POU2F1: variants seen among roughly 807,000 people sequenced by gnomAD.
The protein encoded by POU2F1 is POU class 2 homeobox 1.
In POU2F1, 16 loss-of-function variants were observed where a neutral mutation model predicts 84.9. That is an observed-to-expected ratio of 0.19 (90% CI 0.13 to 0.29). The LOEUF (loss-of-function observed/expected upper bound fraction) is 0.29, where lower values mean the gene tolerates loss of function less well. Ranked by LOEUF, POU2F1 falls within the 10% of genes least tolerant of loss-of-function variation. POU2F1 has a pLI of 1.00. For missense variants in POU2F1, 738 were observed against 942.6 expected, an observed-to-expected ratio of 0.78 and a Z score of 2.84; for synonymous variants, 368 against 368.3, an observed-to-expected ratio of 1.00 and a Z score of 0.01.
Position 167,334,151 on chromosome 1 carries a change from CTTTTT to C in POU2F1, c.127+1638_127+1642del, listed in dbSNP as rs57242474. On this transcript the variant is annotated intron_variant, in intron 2 of 15. Transcript: ENST00000367866. ...TACCATTTATTGAGCAACTACAACA[CTTTTT>C]TTTTTTTTTTTTTTTTTTTTTGAGA... Among the ~76,000 whole-genome samples the C allele has an allele frequency of 3.1e-3, 208 of 66,808 alleles. 1 individual carries two copies. Among genetic ancestry groups the C allele is most frequent in the Non-Finnish European group, 4.3e-3 (169 of 38,944 alleles). The allele number at this position is 66,808 out of a possible 152,430, so 43.8% of individuals were successfully genotyped here. A position where few individuals can be genotyped will look rare whatever the true frequency, so the allele number is the denominator to read the frequency against.
At chr1:167,276,075 C>G (rs569749234) in intron 1 of POU2F1, among the ~76,000 whole-genome samples, 1 of 152,228 alleles carries the variant, frequency 6.6e-6, no homozygotes, top group South Asian at 2.1e-4. Flanking sequence ...CAGCTTCCCA[C>G]AGTCAACTGC....
Position 167,426,118 on chromosome 1 carries a change from A to G in POU2F1, c.*10308A>G, listed in dbSNP as rs185146628. 3.3e-5 allele frequency: 5 copies of G among 152,238 alleles called. No individual in the cohort carries two copies. Among genetic ancestry groups the G allele is most frequent in the South Asian group, 2.1e-4 (1 of 4,830 alleles). 9.4% of individuals were successfully genotyped at this position (152,238 alleles called of 1,614,324 possible). On this transcript the variant is annotated 3_prime_UTR_variant, in exon 16 of 16. Transcript: ENST00000367866. ...TTAGCCTGATGCAGATACCAAAGAT[A>G]ATTTCTTTCCTGCAGAACCTTAGAC...
chr1:167,324,928 T>C (rs888064216), intron 1 of POU2F1, among the ~76,000 whole-genome samples: 1 of 152,170 alleles, frequency 6.6e-6, no homozygotes, highest in Non-Finnish European at 1.5e-5. Context: ...CCTTAGAGGG[T>C]ATCATTTACA....
At chr1:167,356,512 A>G (rs976066808) in intron 2 of POU2F1, among the ~76,000 whole-genome samples, 3 of 152,156 alleles carry the variant, frequency 2.0e-5, no homozygotes, top group African/African-American at 7.2e-5. Flanking sequence ...TAGTGTTACC[A>G]GTGGCAAATA....
chr1:167,345,416 C>T (rs557443874), intron 2 of POU2F1, among the ~76,000 whole-genome samples: 1 of 152,220 alleles, frequency 6.6e-6, no homozygotes, highest in South Asian at 2.1e-4. Flanking sequence ...TAGGGATTTC[C>T]TTGTGATACA....
chr1:167,309,141 A>G (rs945532849), intron 1 of POU2F1, among the ~76,000 whole-genome samples: 1 of 151,232 alleles, frequency 6.6e-6, no homozygotes, highest in Non-Finnish European at 1.5e-5. Flanking sequence ...TGTTTTATTA[A>G]TAGTAGAAAG....
At chr1:167,401,620 G>A in intron 13 of POU2F1, 64 bp downstream of exon 13, 1 of 1,045,050 alleles carries the variant, frequency 9.6e-7, no homozygotes, top group East Asian at 2.9e-5. Context: ...GTTATTATAA[G>A]AGTCTACCAT....
At chr1:167,315,864 T>A (rs1480906592) in intron 1 of POU2F1, among the ~76,000 whole-genome samples, 1 of 150,496 alleles carries the variant, frequency 6.6e-6, no homozygotes, top group Non-Finnish European at 1.5e-5. Flanking sequence ...ATCCATACCA[T>A]GGAATACTTA....
intron 1 of POU2F1, among the ~76,000 whole-genome samples, chr1:167,277,206 G>A (rs1652787844): frequency 6.6e-6 from 1 of 151,894 alleles, no homozygotes; most frequent in Admixed American, 6.6e-5. Context: ...GGTAACTCCT[G>A]CTTTGTCTAC....
At chr1:167,380,690 AT>A (rs1314449627) in intron 7 of POU2F1, 2 of 152,222 alleles carry the variant, frequency 1.3e-5, no homozygotes, top group Non-Finnish European at 2.9e-5. Context: ...ATCTTTTGGA[AT>A]TTTAATAATG....
intron 2 of POU2F1, among the ~76,000 whole-genome samples, chr1:167,342,859 C>A (rs1378975397): frequency 6.6e-6 from 1 of 152,034 alleles, no homozygotes; most frequent in African/African-American, 2.4e-5. Context: ...TCTTATAAGC[C>A]TGAGAGTAGA....
chr1:167,425,233 GT>G lies in POU2F1; in HGVS notation c.*9427del. 1 of 151,898 alleles carries G rather than the reference GT, an allele frequency of 6.6e-6. No individual in the cohort carries two copies. The highest frequency in any genetic ancestry group is 1.9e-4 in the East Asian group (1 of 5,176). The allele number at this position is 151,898 out of a possible 1,614,324, so 9.4% of individuals were successfully genotyped here. A position where few individuals can be genotyped will look rare whatever the true frequency, so the allele number is the denominator to read the frequency against. On this transcript the variant is annotated 3_prime_UTR_variant, in exon 16 of 16. Transcript: ENST00000367866. Reference sequence around the variant, plus strand: ...CAGGGGAGGGTGGTTTCTTTGTTTTGTTTTGTTTTGTTTTGTTTTTCAAATT... The same window carrying G: ...CAGGGGAGGGTGGTTTCTTTGTTTTGTTTGTTTTGTTTTGTTTTTCAAATT...
chr1:167,374,438 C>T (rs1660197808), intron 6 of POU2F1, 142 bp downstream of exon 6: 2 of 672,618 alleles, frequency 3.0e-6, no homozygotes, highest in Middle Eastern at 4.2e-4. Context: ...AAGCGGTACC[C>T]TTCCTTACCA....
intron 2 of POU2F1, among the ~76,000 whole-genome samples, chr1:167,334,281 C>T (rs1657281828): frequency 6.6e-6 from 1 of 151,596 alleles, no homozygotes; most frequent in South Asian, 2.1e-4. Flanking sequence ...CTGCCTCAGC[C>T]TCCGGAATAG....
chr1:167,348,133 G>A (rs906850070), intron 2 of POU2F1, among the ~76,000 whole-genome samples: 2 of 152,172 alleles, frequency 1.3e-5, no homozygotes, highest in Non-Finnish European at 2.9e-5. Context: ...AACGAAGATG[G>A]TATAGCCTAT....
At chr1:167,413,162 AGTGT>A (rs59744507) in intron 15 of POU2F1, 48 bp downstream of exon 15, 520,599 of 1,025,210 alleles carry the variant, frequency 0.51, 90,565 homozygotes, top group East Asian at 0.62. Flanking sequence ...CGTGTGTGTG[AGTGT>A]GTGTGTGTGT....
chr1:167,279,105 T>A (rs1652940529), intron 1 of POU2F1, among the ~76,000 whole-genome samples: 1 of 152,210 alleles, frequency 6.6e-6, no homozygotes, highest in Admixed American at 6.5e-5. Context: ...ACACAGTGCT[T>A]ACAGCATACG....
intron 2 of POU2F1, among the ~76,000 whole-genome samples, chr1:167,337,813 G>A (rs936207884): frequency 1.5e-4 from 23 of 152,036 alleles, no homozygotes; most frequent in Middle Eastern, 3.2e-3. Flanking sequence ...ATGCCACAAA[G>A]GACATTGATT....
At position 167,343,091 on chromosome 1, in the gene POU2F1, T is replaced by A. The variant is rs77781191; in HGVS notation, c.127+10556T>A. The stretch of plus-strand genomic sequence containing the variant: ...CTTCTACAAGATTCTGATCAGTACG[T>A]ATTGAGAAACTTGCCCTGGCTCTGC... On this transcript the variant is annotated intron_variant, in intron 2 of 15. Transcript: ENST00000367866. Among the ~76,000 whole-genome samples the A allele has an allele frequency of 6.5e-3, 982 of 152,154 alleles. 7 individuals are homozygous for A. The highest frequency in any genetic ancestry group is 0.022 in the African/African-American group (929 of 41,504).
Sources: allele counts gnomAD v4.1 joint callset (sites outside exome capture counted in the v4.1 genomes callset), GRCh38; gene constraint gnomAD v4.1.1; transcripts MANE v1.5; gene names NCBI Gene and HGNC (gene_info 2026-07-23, HGNC 2026-07-21).